Variants in TJP1 observed in about 807,000 individuals in gnomAD.
The protein encoded by TJP1 is tight junction protein ZO-1.
In TJP1, 43 loss-of-function variants were observed where a neutral mutation model predicts 194.2. That is an observed-to-expected ratio of 0.22 (90% CI 0.17 to 0.29). The LOEUF (loss-of-function observed/expected upper bound fraction) is 0.29. Ranked by LOEUF, TJP1 falls within the 10% of genes least tolerant of loss-of-function variation. The pLI is 1.00. For synonymous variants in TJP1, 801 were observed against 779.0 expected (o/e 1.03, Z -0.47); for missense variants, 1,971 against 2,185.7 (o/e 0.90, Z 1.96).
chr15:29,849,745 CAA>C (rs564053758), intron 2 of TJP1, among the ~76,000 whole-genome samples: 14 of 106,624 alleles, frequency 1.3e-4, no homozygotes, highest in Admixed American at 9.9e-5. Context: ...GACTCCGTCT[CAA>C]AAAAAAAAAA....
intron 25 of TJP1, among the ~76,000 whole-genome samples, chr15:29,708,284 G>A: frequency 6.6e-6 from 1 of 151,800 alleles, no homozygotes; most frequent in East Asian, 1.9e-4. Context: ...TGTGACCCTG[G>A]GCAAACTGCT....
intron 20 of TJP1, 53 bp from the exon 21 acceptor site, chr15:29,719,191 AT>A: frequency 6.8e-7 from 1 of 1,480,502 alleles, no homozygotes; most frequent in Non-Finnish European, 9.0e-7. Context: ...ATTCTAGTCT[AT>A]TTTATTAGAC....
rs1362880470 is a variant in TJP1 at position 29,773,283 on chromosome 15, T to G, written c.159A>C (p.Ser53=). 1 of 1,613,968 alleles carries G rather than the reference T, an allele frequency of 6.2e-7. No individual in the cohort carries two copies. The highest frequency in any genetic ancestry group is 8.5e-7 in the Non-Finnish European group (1 of 1,179,972). ...CTTTCAGCACATCTGAAATCACTAT[T>G]GACGTTTCCCCACTCTGAAAATGAG... The part of the protein sequence containing the change: ...DNPHFQSGET[S]IVISDVLKGG... Residue 53 remains serine (S), a synonymous_variant, in exon 3 of 28, where the codon TCA becomes TCC. Transcript: ENST00000614355.
intron 2 of TJP1, among the ~76,000 whole-genome samples, chr15:29,838,912 C>T (rs1457349650): frequency 6.6e-6 from 1 of 151,268 alleles, no homozygotes; most frequent in Admixed American, 6.6e-5. Flanking sequence ...CCGTAACTTC[C>T]TTGAGGTTTA....
intron 2 of TJP1, among the ~76,000 whole-genome samples, chr15:29,944,049 A>G (rs16952100): frequency 0.01 from 1,540 of 152,246 alleles, 24 homozygotes; most frequent in African/African-American, 0.035. Context: ...AAAAATCGTT[A>G]GAAAACAGGT....
Position 29,901,611 on chromosome 15 carries a change from C to G in TJP1, c.306+54621G>C, listed in dbSNP as rs2053636515. Among the ~76,000 whole-genome samples, 3 of 152,106 alleles carry G rather than the reference C, an allele frequency of 2.0e-5. No individual in the cohort carries two copies. The South Asian group carries it at 6.2e-4, about 32-fold the overall frequency. The stretch of plus-strand genomic sequence containing the variant: ...CCAAGGCGGGTGGATCACCTGAGGT[C>G]AGGAGTTCAAGACCAGCCTGGCCAA... On this transcript the variant is annotated intron_variant, in intron 2 of 28. Transcript: ENST00000356107.
At chr15:29,824,120 G>T (rs1450841002), upstream of TJP1, 2 of 34,802 alleles carry the variant, frequency 5.7e-5, no homozygotes, top group East Asian at 1.2e-3. Flanking sequence ...AAAAAAAATG[G>T]TGGCCAGGCG....
chr15:29,941,386 C>A (rs1471078800), intron 2 of TJP1, among the ~76,000 whole-genome samples: 4 of 152,204 alleles, frequency 2.6e-5, no homozygotes, highest in African/African-American at 9.7e-5. Context: ...CAGTAAAATC[C>A]TTTTTCCCAA....
At chr15:29,730,573 G>T in intron 15 of TJP1, 1 of 507,216 alleles carries the variant, frequency 2.0e-6, no homozygotes, top group South Asian at 1.6e-5. Context: ...CTCCTGCCTG[G>T]GCAAGAGTGA....
chr15:29,897,780 C>A (rs773672288), intron 2 of TJP1, among the ~76,000 whole-genome samples: 8 of 152,198 alleles, frequency 5.3e-5, no homozygotes, highest in Non-Finnish European at 1.2e-4. Flanking sequence ...GACTGCCCTG[C>A]TGGATTTTGG....
intron 2 of TJP1, among the ~76,000 whole-genome samples, chr15:29,911,039 G>A (rs953986226): frequency 6.6e-6 from 1 of 152,248 alleles, no homozygotes; most frequent in African/African-American, 2.4e-5. Flanking sequence ...GCTGTACTAT[G>A]ATGATCTTAG....
chr15:29,741,429 C>T lies in TJP1; in HGVS notation c.1158G>A (p.Lys386=). 1 of 1,605,534 alleles carries T rather than the reference C, an allele frequency of 6.2e-7. No individual in the cohort carries two copies. Residue 386 remains lysine (K), a synonymous_variant, in exon 10 of 28, where the codon AAG becomes AAA. Coordinates refer to ENST00000614355, the MANE Select transcript of TJP1 (RefSeq NM_001330239.4). ...GTTGCCCAACTTGGGCATACACAGG[C>T]TTTGGTTCTAAGAAAAAAAAAATTG... ...EKQTPSLPEP[K]PVYAQVGQPD...
chr15:29,946,348 G>C (rs886612478), intron 2 of TJP1, among the ~76,000 whole-genome samples: 3 of 152,242 alleles, frequency 2.0e-5, no homozygotes, highest in African/African-American at 7.2e-5. Context: ...GCTAGTGGAT[G>C]AAAGTCTGAT....
At chr15:29,702,336 A>T (rs184673579) in intron 27 of TJP1, among the ~76,000 whole-genome samples, 110 of 152,102 alleles carry the variant, frequency 7.2e-4, no homozygotes, top group Non-Finnish European at 1.4e-3. Context: ...AGCTTCAAAA[A>T]CTCATTGACT....
intron 16 of TJP1, among the ~76,000 whole-genome samples, chr15:29,727,511 C>A (rs2043315021): frequency 6.6e-6 from 1 of 152,150 alleles, no homozygotes; most frequent in African/African-American, 2.4e-5. Flanking sequence ...CCATTTCTAG[C>A]CAAATTTCTA....
intron 2 of TJP1, among the ~76,000 whole-genome samples, chr15:29,910,005 G>A (rs1487442871): frequency 6.6e-6 from 1 of 152,138 alleles, no homozygotes; most frequent in Non-Finnish European, 1.5e-5. Flanking sequence ...GCTCCACAGA[G>A]GACTGCGTAT....
intron 2 of TJP1, among the ~76,000 whole-genome samples, chr15:29,830,554 A>C (rs2050806524): frequency 6.6e-6 from 1 of 151,154 alleles, no homozygotes; most frequent in African/African-American, 2.4e-5. Flanking sequence ...TTATTACACT[A>C]ATATATATTA....
At chr15:29,753,834 A>AC (rs1447515179) in intron 8 of TJP1, among the ~76,000 whole-genome samples, 2 of 152,060 alleles carry the variant, frequency 1.3e-5, no homozygotes, top group Non-Finnish European at 2.9e-5. Flanking sequence ...AAAAAAAAAA[A>AC]AAAACAAAGG....
chr15:29,949,705 C>CACCACT (rs2055557077), intron 2 of TJP1, among the ~76,000 whole-genome samples: 2 of 127,986 alleles, frequency 1.6e-5, no homozygotes, highest in Admixed American at 1.7e-4. Context: ...CCACCACCAC[C>CACCACT]ACCTCCATCA....
Sources: gnomAD v4.1 joint callset for allele counts (sites outside exome capture counted in the v4.1 genomes callset) on GRCh38, gnomAD v4.1.1 for gene constraint, MANE v1.5 for transcripts, NCBI Gene and HGNC (gene_info 2026-07-23, HGNC 2026-07-21) for gene names.